SLC4A4: variants seen among roughly 807,000 people sequenced by gnomAD.
The protein encoded by SLC4A4 is electrogenic sodium bicarbonate cotransporter 1.
A neutral mutation model predicts 111.5 loss-of-function variants in SLC4A4; 27 were observed. The observed-to-expected ratio is 0.24, with a 90% CI of 0.18 to 0.33. The LOEUF is 0.33. Among genes scored for constraint, SLC4A4 ranks in the 10% least tolerant of loss-of-function variants. The pLI is 1.00. For missense variants in SLC4A4, 909 were observed against 1,315.5 expected (o/e 0.69, Z 4.78); for synonymous variants, 443 against 463.4 (o/e 0.96, Z 0.57).
intron 7 of SLC4A4, chr4:71,436,944 T>C: frequency 3.3e-6 from 1 of 303,728 alleles, no homozygotes; most frequent in Non-Finnish European, 6.3e-6. Context: ...AGTTTGCCTA[T>C]TAAAAAATGT....
chr4:71,280,992 G>T (rs1723471168), intron 3 of SLC4A4, among the ~76,000 whole-genome samples: 1 of 152,060 alleles, frequency 6.6e-6, no homozygotes, highest in African/African-American at 2.4e-5. Flanking sequence ...AGTGGTCACT[G>T]CAAAGAAATA....
chr4:71,192,059 ATC>A (rs1745755888), intron 1 of SLC4A4, among the ~76,000 whole-genome samples: 1 of 152,206 alleles, frequency 6.6e-6, no homozygotes, highest in African/African-American at 2.4e-5. Flanking sequence ...AACTAGAAAA[ATC>A]TCTTAATATA....
intron 7 of SLC4A4, among the ~76,000 whole-genome samples, chr4:71,418,543 G>C (rs1017139791): frequency 3.9e-5 from 6 of 152,166 alleles, no homozygotes; most frequent in Non-Finnish European, 8.8e-5. Context: ...TCAAGCAATA[G>C]CTCTTTTTAG....
At chr4:71,389,187 G>T (rs903935129) in intron 6 of SLC4A4, among the ~76,000 whole-genome samples, 3 of 152,270 alleles carry the variant, frequency 2.0e-5, no homozygotes, top group East Asian at 3.9e-4. Context: ...CCTAATTGAT[G>T]CAGGTATCTG....
chr4:71,466,626 AC>A, intron 13 of SLC4A4, 49 bp downstream of exon 13: 1 of 1,555,156 alleles, frequency 6.4e-7, no homozygotes, highest in Non-Finnish European at 8.9e-7. Flanking sequence ...TAATTGTAGA[AC>A]CTTTATAGGC....
chr4:71,208,795 C>G (rs1031874742), intron 1 of SLC4A4, among the ~76,000 whole-genome samples: 3 of 152,150 alleles, frequency 2.0e-5, no homozygotes, highest in Non-Finnish European at 4.4e-5. Flanking sequence ...ATGCCTGAAT[C>G]AGTGTCCCAC....
chr4:71,122,001 T>C (rs1269828990), intron 2 of SLC4A4, among the ~76,000 whole-genome samples: 2 of 152,084 alleles, frequency 1.3e-5, no homozygotes, highest in East Asian at 3.9e-4. Flanking sequence ...ACACTCACTG[T>C]GAAGGTCTGC....
chr4:71,387,080 T>C (rs1026685371), intron 6 of SLC4A4, among the ~76,000 whole-genome samples: 1 of 152,218 alleles, frequency 6.6e-6, no homozygotes, highest in African/African-American at 2.4e-5. Flanking sequence ...TTATACTTTC[T>C]TGAATCCATC....
intron 3 of SLC4A4, among the ~76,000 whole-genome samples, chr4:71,307,791 C>T (rs571426098): frequency 3.9e-4 from 59 of 152,228 alleles, no homozygotes; most frequent in Non-Finnish European, 6.5e-4. Flanking sequence ...AGCAAACAAA[C>T]GGAAGTATTC....
At chr4:71,253,180 A>G (rs1721196263) in intron 2 of SLC4A4, among the ~76,000 whole-genome samples, 1 of 152,170 alleles carries the variant, frequency 6.6e-6, no homozygotes. Context: ...GGTTCCAAAA[A>G]GTCAAGTGCA....
intron 18 of SLC4A4, among the ~76,000 whole-genome samples, chr4:71,537,092 A>C (rs1734573100): frequency 6.6e-6 from 1 of 151,500 alleles, no homozygotes. Flanking sequence ...CATCTCTCTC[A>C]TTCCTCTGCT....
chr4:71,081,284 T>C (rs1214759399), intron 1 of SLC4A4, among the ~76,000 whole-genome samples: 1 of 152,092 alleles, frequency 6.6e-6, no homozygotes, highest in Non-Finnish European at 1.5e-5. Context: ...CCCCACAAAT[T>C]GTTTTTCATT....
At chr4:71,329,757 C>A (rs1481325362) in intron 3 of SLC4A4, among the ~76,000 whole-genome samples, 1 of 152,046 alleles carries the variant, frequency 6.6e-6, no homozygotes, top group Non-Finnish European at 1.5e-5. Context: ...ATATTATTTG[C>A]AAACAAGGTT....
At chr4:71,211,239 A>G (rs1193151813) in intron 1 of SLC4A4, among the ~76,000 whole-genome samples, 1 of 152,166 alleles carries the variant, frequency 6.6e-6, no homozygotes, top group African/African-American at 2.4e-5. Flanking sequence ...CTTTTGGCAG[A>G]TTCAGAAAAG....
At chr4:71,327,661 A>G (rs1289366254) in intron 3 of SLC4A4, among the ~76,000 whole-genome samples, 3 of 151,892 alleles carry the variant, frequency 2.0e-5, no homozygotes, top group African/African-American at 2.4e-5. Context: ...CATTTCCCCT[A>G]CTATGTATTA....
chr4:71,212,913 C>T (rs773409940), intron 1 of SLC4A4, among the ~76,000 whole-genome samples: 3 of 152,130 alleles, frequency 2.0e-5, no homozygotes, highest in East Asian at 1.9e-4. Context: ...TGACAGCAGT[C>T]CCATAAATTT....
intron 23 of SLC4A4, 40 bp downstream of exon 23, chr4:71,560,294 G>A (rs761779654): frequency 1.3e-6 from 2 of 1,564,596 alleles, no homozygotes; most frequent in South Asian, 2.3e-5. Context: ...GCTAGTTAAA[G>A]AAACAAATGT....
At chr4:71,186,204 T>C (rs1009968304), upstream of SLC4A4, among the ~76,000 whole-genome samples, 30 of 152,240 alleles carry the variant, frequency 2.0e-4, no homozygotes, top group Non-Finnish European at 5.9e-5. Context: ...ATAATCACTT[T>C]GCTAAGGCTG....
At chr4:71,075,298 C>G (rs1056216019) in intron 1 of SLC4A4, among the ~76,000 whole-genome samples, 1 of 152,156 alleles carries the variant, frequency 6.6e-6, no homozygotes, top group African/African-American at 2.4e-5. Flanking sequence ...ATTGTGATTT[C>G]TATTAATGTA....
Sources: gnomAD v4.1 joint callset for allele counts (sites outside exome capture counted in the v4.1 genomes callset) on GRCh38, gnomAD v4.1.1 for gene constraint, MANE v1.5 for transcripts, NCBI Gene and HGNC (gene_info 2026-07-23, HGNC 2026-07-21) for gene names.